The following BSN variants were observed in gnomAD, a reference collection of about 807,000 sequenced individuals.
The protein encoded by BSN is bassoon presynaptic cytomatrix protein.
A neutral mutation model predicts 264.8 loss-of-function variants in BSN; 57 were observed. That is an observed-to-expected ratio of 0.22 (90% CI 0.17 to 0.27). The LOEUF (loss-of-function observed/expected upper bound fraction) is 0.27. BSN is among the 10% of genes least tolerant of loss of function. The pLI is 1.00. For synonymous variants in BSN, 2,059 were observed against 2,137.3 expected (o/e 0.96, Z 1.01); for missense variants, 4,615 against 5,232.5 (o/e 0.88, Z 3.64).
intron 3 of BSN, among the ~76,000 whole-genome samples, chr3:49,645,654 T>C (rs887873173): frequency 6.6e-6 from 1 of 152,214 alleles, no homozygotes; most frequent in Non-Finnish European, 1.5e-5. Flanking sequence ...GCATTGCTTT[T>C]CTTCACTGAG....
At chr3:49,565,006 A>G (rs889824490) in intron 1 of BSN, among the ~76,000 whole-genome samples, 8 of 151,888 alleles carry the variant, frequency 5.3e-5, no homozygotes, top group African/African-American at 1.9e-4. Context: ...AAAAAAAAAA[A>G]AGAAGAAAAG....
At position 49,664,478 on chromosome 3, in the gene BSN, A is replaced by G; in HGVS notation, c.11664A>G (p.Pro3888=). The G allele has an allele frequency of 6.2e-7, 1 of 1,613,542 alleles. No individual in the cohort carries two copies. Among genetic ancestry groups the G allele is most frequent in the Non-Finnish European group, 8.5e-7 (1 of 1,179,940 alleles). Residue 3888 remains proline (P), a synonymous_variant, in exon 9 of 12, where the codon CCA becomes CCG. Transcript: ENST00000296452. ...CCCCAGGGGCTCCCGCCGGCCAGCC[A>G]GGTGCCGATGGGGAGAGCGTGTTCT... is the stretch of plus-strand genomic sequence containing the variant. ...GGTPGAPAGQ[P]GADGESVFSK...
intron 1 of BSN, among the ~76,000 whole-genome samples, chr3:49,574,852 G>A (rs998884166): frequency 6.6e-6 from 1 of 151,652 alleles, no homozygotes; most frequent in African/African-American, 2.4e-5. Flanking sequence ...TGGCCAGGCT[G>A]GTCTTGAACT....
intron 1 of BSN, among the ~76,000 whole-genome samples, chr3:49,577,656 C>T (rs1330530817): frequency 2.0e-5 from 3 of 151,830 alleles, no homozygotes; most frequent in South Asian, 2.1e-4. Context: ...TCTCCTGCCT[C>T]GGCCTCCCAA....
At chr3:49,570,006 A>T (rs769979272) in intron 1 of BSN, among the ~76,000 whole-genome samples, 3 of 152,118 alleles carry the variant, frequency 2.0e-5, no homozygotes, top group Non-Finnish European at 2.9e-5. Context: ...CTGAGCAGAG[A>T]TATCATAATT....
chr3:49,608,422 A>G (rs1374540339), intron 1 of BSN, among the ~76,000 whole-genome samples: 1 of 152,302 alleles, frequency 6.6e-6, no homozygotes, highest in East Asian at 1.9e-4. Flanking sequence ...TTGATGTTGC[A>G]GTGGGTATTA....
In BSN at chr3:49,655,421, C is replaced by T; in HGVS notation, c.5865C>T (p.Tyr1955=). The T allele has an allele frequency of 6.4e-7, 1 of 1,569,984 alleles. No homozygotes were observed. The highest frequency in any genetic ancestry group is 8.6e-7 in the Non-Finnish European group (1 of 1,157,718). Residue 1955 remains tyrosine, a synonymous_variant, in exon 5 of 12, where the codon TAC becomes TAT. Transcript: ENST00000296452. The stretch of plus-strand genomic sequence containing the variant: ...CTGAGCCTCCTGAGCCCCCAACCTA[C>T]CGGGCACAGGGGGTGGTGGGGCCTG... ...RDPEPPEPPT[Y]RAQGVVGPGP...
intron 1 of BSN, among the ~76,000 whole-genome samples, chr3:49,613,348 G>GAGAGAGAGA (rs1448553549): frequency 6.7e-6 from 1 of 148,682 alleles, no homozygotes; most frequent in Non-Finnish European, 1.5e-5. Flanking sequence ...GAGAGAGAGA[G>GAGAGAGAGA]AAGGGCTGGC....
chr3:49,568,722 T>C (rs997527766), intron 1 of BSN, among the ~76,000 whole-genome samples: 2 of 152,248 alleles, frequency 1.3e-5, no homozygotes, highest in African/African-American at 4.8e-5. Flanking sequence ...CTGTGTCCAG[T>C]CTTTTGCTCT....
intron 1 of BSN, among the ~76,000 whole-genome samples, chr3:49,561,692 C>G (rs900645548): frequency 1.3e-5 from 2 of 152,080 alleles, no homozygotes; most frequent in African/African-American, 4.8e-5. Flanking sequence ...AACATACTTA[C>G]CATTTTTGTG....
intron 1 of BSN, among the ~76,000 whole-genome samples, chr3:49,604,711 T>TA (rs1316239290): frequency 6.6e-6 from 1 of 152,098 alleles, no homozygotes; most frequent in Non-Finnish European, 1.5e-5. Flanking sequence ...AGCAGGGACA[T>TA]ACATTTGAGC....
chr3:49,594,721 A>G (rs1267737706), intron 1 of BSN, among the ~76,000 whole-genome samples: 1 of 152,068 alleles, frequency 6.6e-6, no homozygotes, highest in Non-Finnish European at 1.5e-5. Flanking sequence ...AAAATTACTG[A>G]GATTTTGATA....
rs185975754 is a variant in BSN, at chr3:49,646,542, T to C, written c.1518+3390T>C. ...AGGTCCTGTTGCCTCCCATGTAGAA[T>C]AGGGACCACAATACTCCCTTTTAGG... On this transcript the variant is annotated intron_variant, in intron 3 of 11. Transcript: ENST00000296452. Among the ~76,000 whole-genome samples, 38 of 152,304 alleles carry C rather than the reference T, an allele frequency of 2.5e-4. 1 individual carries two copies. The highest frequency in any genetic ancestry group is 9.1e-4 in the Admixed American group (14 of 15,302).
chr3:49,614,090 C>T (rs575523330), intron 1 of BSN, among the ~76,000 whole-genome samples: 3 of 129,364 alleles, frequency 2.3e-5, no homozygotes, highest in South Asian at 2.5e-4. Context: ...GACGGAGTCT[C>T]GCTCTGTCGC....
intron 1 of BSN, among the ~76,000 whole-genome samples, chr3:49,560,162 G>A (rs1371091793): frequency 6.6e-6 from 1 of 152,118 alleles, no homozygotes; most frequent in Admixed American, 6.5e-5. Context: ...ACATTTGGGG[G>A]CTTAATAAAT....
Position 49,653,595 on chromosome 3 carries a change from G to A in BSN, c.4039G>A (p.Ala1347Thr). 3 of 1,613,756 alleles carry A rather than the reference G, an allele frequency of 1.9e-6. No individual in the cohort carries two copies. Among genetic ancestry groups the A allele is most frequent in the Non-Finnish European group, 2.5e-6 (3 of 1,179,982 alleles). The change falls in exon 5 of 12, where the codon GCA becomes ACA. Residue 1347 changes from alanine to threonine, a missense_variant. Physicochemically the swap from Ala to Thr is moderately conservative, Grantham distance 58. Transcript: ENST00000296452. This position sits in a 1 kb window ranked among gnomAD's most constrained non-coding sequence, Gnocchi z 6.3. ...IPDVRVTQHFAKETQDPLKLH... is the reference protein window; with the variant it reads ...IPDVRVTQHFTKETQDPLKLH... ...CGATGTCCGTGTCACTCAGCATTTTGCAAAGGAGACTCAGGACCCCCTCAA... is the reference window on the plus strand; with the variant it reads ...CGATGTCCGTGTCACTCAGCATTTTACAAAGGAGACTCAGGACCCCCTCAA...
chr3:49,653,321 C>T lies in BSN; in HGVS notation c.3765C>T (p.Ala1255=), dbSNP rs114065907. 2.3e-4 allele frequency: 371 copies of T among 1,612,072 alleles called. 1 individual carries two copies. The African/African-American group carries it at 4.4e-3, about 19-fold the overall frequency. Residue 1255 remains alanine, a synonymous_variant, in exon 5 of 12, where the codon GCC becomes GCT. Transcript: ENST00000296452. This position sits in a 1 kb window ranked among gnomAD's most constrained non-coding sequence, Gnocchi z 6.3. ...GCACGCCAGCCAGCCTGGGAGCAGCCGTGTACGAAGAAATCCTTCAGACAT... is the reference window on the plus strand; with the variant it reads ...GCACGCCAGCCAGCCTGGGAGCAGCTGTGTACGAAGAAATCCTTCAGACAT... The part of the protein sequence containing the change: ...AEGTPASLGA[A]VYEEILQTSQ...
In BSN at chr3:49,662,151, A is replaced by G. The variant is rs1202193925; in HGVS notation, c.10306A>G (p.Ile3436Val). Residue 3436 changes from isoleucine to valine, a missense_variant, in exon 6 of 12, where the codon ATT becomes GTT. By Grantham distance (29) the Ile-to-Val change is conservative (BLOSUM62 3). Around this residue, in one of 3 missense-constraint regions of BSN, gnomAD observed 3,415 missense variants for 3,866.4 expected, o/e 0.88. Transcript: ENST00000296452. ...CCGGGACGCAGTGGAGGACGACCGC[A>G]TTTATGGCGGGAGCAGCCGGTCCCG... is the stretch of plus-strand genomic sequence containing the variant. ...SSRDAVEDDRIYGGSSRSRAP... is the reference protein window; with the variant it reads ...SSRDAVEDDRVYGGSSRSRAP... The G allele has an allele frequency of 3.1e-6, 5 of 1,613,296 alleles. No homozygotes were observed. Among genetic ancestry groups the G allele is most frequent in the Non-Finnish European group, 4.2e-6 (5 of 1,179,968 alleles).
chr3:49,591,751 A>G (rs927869099), intron 1 of BSN, among the ~76,000 whole-genome samples: 1 of 151,886 alleles, frequency 6.6e-6, no homozygotes. Context: ...ACTATGCCCA[A>G]CTAATTTTTG....
Sources: gnomAD v4.1 joint callset for allele counts (sites outside exome capture counted in the v4.1 genomes callset) on GRCh38, gnomAD v4.1.1 for gene constraint, gnomAD v4.1.1 regional missense constraint, Gnocchi (gnomAD v3.1) non-coding constraint, MANE v1.5 for transcripts, NCBI Gene and HGNC (gene_info 2026-07-23, HGNC 2026-07-21) for gene names.